The following WHRN variants were observed in gnomAD, a reference collection of about 807,000 sequenced individuals.
WHRN encodes CASK-interacting protein CIP98.
Under a neutral mutation model 68.3 loss-of-function variants are expected in WHRN, and 41 were observed. That is an observed-to-expected ratio of 0.60 (90% CI 0.47 to 0.78). The LOEUF is 0.78. WHRN is among the 30% of genes least tolerant of loss of function. WHRN has a pLI of 0.00. For missense variants in WHRN, 1,243 were observed against 1,244.7 expected, an observed-to-expected ratio of 1.00 and a Z score of 0.02; for synonymous variants, 560 against 561.3, an observed-to-expected ratio of 1.00 and a Z score of 0.03.
rs1467251899 is a variant in WHRN at position 114,466,358 on chromosome 9, C to T, written c.872G>A (p.Gly291Asp). The T allele has an allele frequency of 2.5e-6, 4 of 1,613,992 alleles. No individual in the cohort carries two copies. Among genetic ancestry groups the T allele is most frequent in the African/African-American group, 1.3e-5 (1 of 74,930 alleles). Residue 291 changes from glycine (G) to aspartate (D), a missense_variant, in exon 3 of 12, where the codon GGC becomes GAC. Gly to Asp is a moderately conservative substitution (Grantham distance 94, BLOSUM62 -1). Coordinates refer to ENST00000362057, the MANE Select transcript of WHRN (RefSeq NM_015404.4). ...NLVLGDGRSLGLTIRGGAEYG... is the reference protein window; with the variant it reads ...NLVLGDGRSLDLTIRGGAEYG... ...CTCAGCTCCCCCACGGATCGTGAGG[C>T]CCAGGGACCGGCCGTCCCCCAGCAC...
rs1334764811 is a variant in WHRN, at chr9:114,406,339, G to A, written c.2236+16C>T. ...GGACCCCCAAGGACCACAGAGCCTG[G>A]CCTTGCTGTACTCACTGCGCGTCTG... On this transcript the variant is annotated intron_variant, in intron 9 of 11. Coordinates refer to ENST00000362057, the MANE Select transcript of WHRN (RefSeq NM_015404.4). 6.2e-7 allele frequency: 1 copy of A among 1,613,872 alleles called. No individual in the cohort carries two copies. The highest frequency in any genetic ancestry group is 2.2e-5 in the East Asian group (1 of 44,880).
At chr9:114,462,921 CAG>C (rs959971255) in intron 3 of WHRN, among the ~76,000 whole-genome samples, 1 of 152,168 alleles carries the variant, frequency 6.6e-6, no homozygotes, top group African/African-American at 2.4e-5. Context: ...CATCAGTAAT[CAG>C]AGAGAGAGGG....
chr9:114,404,086 G>A lies in WHRN; in HGVS notation c.2237-9C>T. ...GGAGAGCGTAGAGGCTGCTGGAGAG[G>A]GGAAAAGGAAGAGAGAAGCAGCTTA... On this transcript the variant is annotated splice_polypyrimidine_tract_variant and intron_variant, in intron 9 of 11. Transcript: ENST00000362057. The A allele has an allele frequency of 6.2e-7, 1 of 1,612,088 alleles. No individual in the cohort carries two copies. Among genetic ancestry groups the A allele is most frequent in the African/African-American group, 1.3e-5 (1 of 75,064 alleles).
At chr9:114,477,858 G>A (rs976087745) in intron 2 of WHRN, among the ~76,000 whole-genome samples, 1 of 152,182 alleles carries the variant, frequency 6.6e-6, no homozygotes, top group Admixed American at 6.5e-5. Context: ...CCACATTCCT[G>A]GCAGCTATGT....
chr9:114,422,561 T>C (rs1325550824), intron 7 of WHRN, among the ~76,000 whole-genome samples: 1 of 152,188 alleles, frequency 6.6e-6, no homozygotes, highest in Non-Finnish European at 1.5e-5. Context: ...GGGCCACGCA[T>C]GGTGATTCAC....
chr9:114,468,886 C>A (rs1029209581), intron 2 of WHRN, among the ~76,000 whole-genome samples: 1 of 152,212 alleles, frequency 6.6e-6, no homozygotes, highest in Admixed American at 6.5e-5. Flanking sequence ...TCAAGGCCCA[C>A]CCTGGTCCCT....
At position 114,424,426 on chromosome 9, in the gene WHRN, T is replaced by G; in HGVS notation, c.1324A>C (p.Met442Leu). The G allele has an allele frequency of 6.2e-7, 1 of 1,613,462 alleles. No homozygotes were observed. The highest frequency in any genetic ancestry group is 8.5e-7 in the Non-Finnish European group (1 of 1,180,026). The change falls in exon 6 of 12, where the codon ATG becomes CTG. Residue 442 changes from methionine to leucine, a missense_variant. Met to Leu is a conservative substitution (Grantham distance 15). Transcript: ENST00000362057. ...CGGTACTCATCCAGGTAGTAGGCCA[T>G]GGTGGCGTGTTCCTGCTCGTTCAGC... ...HLLNEQEHAT[M>L]AYYLDEYRGG...
intron 1 of WHRN, among the ~76,000 whole-genome samples, chr9:114,493,937 G>A (rs1365823657): frequency 1.3e-5 from 2 of 152,202 alleles, no homozygotes; most frequent in Non-Finnish European, 2.9e-5. Flanking sequence ...GCTGTATGCC[G>A]TGCTTCTCCG....
At chr9:114,421,867 G>A (rs1231342195) in intron 7 of WHRN, among the ~76,000 whole-genome samples, 1 of 152,178 alleles carries the variant, frequency 6.6e-6, no homozygotes, top group Non-Finnish European at 1.5e-5. Context: ...GGAATGCAGG[G>A]CGACTTGTGG....
intron 7 of WHRN, among the ~76,000 whole-genome samples, chr9:114,420,153 C>T (rs762499880): frequency 6.6e-6 from 1 of 152,094 alleles, no homozygotes; most frequent in Non-Finnish European, 1.5e-5. Context: ...AGCAACAACC[C>T]CTTCCCCAAA....
chr9:114,449,000 C>G (rs1355666134), intron 3 of WHRN, among the ~76,000 whole-genome samples: 1 of 152,212 alleles, frequency 6.6e-6, no homozygotes, highest in Non-Finnish European at 1.5e-5. Context: ...CCTTGGGAAT[C>G]TGTATGCATG....
chr9:114,472,905 G>A (rs1464096596), intron 2 of WHRN, among the ~76,000 whole-genome samples: 1 of 152,190 alleles, frequency 6.6e-6, no homozygotes, highest in Non-Finnish European at 1.5e-5. Context: ...GGATGCGGAA[G>A]CTTAAGTGAC....
chr9:114,448,758 C>A (rs1839057181), intron 3 of WHRN, among the ~76,000 whole-genome samples: 1 of 152,280 alleles, frequency 6.6e-6, no homozygotes, highest in South Asian at 2.1e-4. Flanking sequence ...AACTTCCAGG[C>A]ACAGGAGGAA....
intron 3 of WHRN, among the ~76,000 whole-genome samples, chr9:114,444,446 T>C (rs1230104197): frequency 6.6e-6 from 1 of 152,028 alleles, no homozygotes; most frequent in Non-Finnish European, 1.5e-5. Context: ...TCACATATAA[T>C]TATTTTTTCC....
chr9:114,410,208 A>G (rs182576123), intron 7 of WHRN, among the ~76,000 whole-genome samples: 1 of 152,230 alleles, frequency 6.6e-6, no homozygotes, highest in Non-Finnish European at 1.5e-5. Flanking sequence ...TTTTCTGTGT[A>G]ACACCTATCA....
intron 4 of WHRN, chr9:114,425,317 G>A (rs987980764): frequency 1.6e-6 from 1 of 613,526 alleles, no homozygotes. Flanking sequence ...CACAAGGAGT[G>A]GAGGGAAGAA....
chr9:114,443,425 T>A (rs10817613), intron 3 of WHRN, among the ~76,000 whole-genome samples: 92,534 of 151,976 alleles, frequency 0.61, 30,615 homozygotes, highest in Middle Eastern at 0.75. Context: ...GGCCTCCTAC[T>A]TTCCTACTTT....
chr9:114,440,071 C>G lies in WHRN; in HGVS notation c.964-13658G>C, dbSNP rs1172458359. 5.9e-5 allele frequency among the ~76,000 whole-genome samples: 9 copies of G among 152,342 alleles called. No individual in the cohort carries two copies. In the East Asian group the frequency reaches 9.6e-4, roughly 16 times the overall value. On this transcript the variant is annotated intron_variant, in intron 3 of 11. Coordinates refer to ENST00000362057, the MANE Select transcript of WHRN (RefSeq NM_015404.4). ...GGGATTACAGGCATGCGCCAACATG[C>G]CTAGCTAATTTTTGTATTTTTAGTA...
intron 3 of WHRN, among the ~76,000 whole-genome samples, chr9:114,429,154 C>A (rs1259593513): frequency 6.6e-6 from 1 of 152,234 alleles, no homozygotes; most frequent in East Asian, 1.9e-4. Context: ...TGGTCTCAAA[C>A]TCCTGAGCTC....
Sources: allele counts gnomAD v4.1 joint callset (sites outside exome capture counted in the v4.1 genomes callset), GRCh38; gene constraint gnomAD v4.1.1; transcripts MANE v1.5; gene names NCBI Gene and HGNC (gene_info 2026-07-23, HGNC 2026-07-21).